PNMA2: variants seen among roughly 807,000 people sequenced by gnomAD.
PNMA2 encodes PNMA family member 2.
For synonymous variants in PNMA2, 175 were observed against 183.5 expected (o/e 0.95, Z 0.38); for missense variants, 455 against 452.9 (o/e 1.00, Z -0.04).
Position 26,509,038 on chromosome 8 carries a change from G to T in PNMA2, c.-283C>A. On this transcript the variant is annotated 5_prime_UTR_variant, in exon 3 of 3. Coordinates refer to ENST00000522362, the MANE Select transcript of PNMA2 (RefSeq NM_007257.6). This position sits in a 1 kb window ranked among gnomAD's most constrained non-coding sequence, Gnocchi z 5.7. The stretch of plus-strand genomic sequence containing the variant: ...CCACACCTGTGCCCGCAGCTCTGAA[G>T]TCCGATTGCCAGTGATTTTCTCAAA... The T allele has an allele frequency of 1.8e-6, 1 of 555,092 alleles. No individual in the cohort carries two copies. The highest frequency in any genetic ancestry group is 2.7e-6 in the Non-Finnish European group (1 of 373,630). The allele number at this position is 555,092 out of a possible 1,614,324, so 34.4% of individuals were successfully genotyped here.
chr8:26,508,688 A>G lies in PNMA2; in HGVS notation c.68T>C (p.Val23Ala). The change falls in exon 3 of 3, where the codon GTT becomes GCT. Residue 23 changes from valine (V) to alanine (A), a missense_variant. Physicochemically the swap from Val to Ala is moderately conservative, Grantham distance 64. Transcript: ENST00000522362. This position sits in a 1 kb window ranked among gnomAD's most constrained non-coding sequence, Gnocchi z 5.5. The part of the protein sequence containing the change: ...MSVDEQKSLM[V>A]TGIPADFEEA... ...CTCAAAGTCCGCCGGTATCCCCGTA[A>G]CCATCAGTGACTTCTGCTCATCCAC... The G allele has an allele frequency of 1.9e-6, 3 of 1,614,098 alleles. No homozygotes were observed. The highest frequency in any genetic ancestry group is 2.5e-6 in the Non-Finnish European group (3 of 1,180,016).
Position 26,507,596 on chromosome 8 carries a change from A to G in PNMA2, c.*65T>C. 3.4e-6 allele frequency: 5 copies of G among 1,462,814 alleles called. No homozygotes were observed. Among genetic ancestry groups the G allele is most frequent in the Non-Finnish European group, 4.6e-6 (5 of 1,093,676 alleles). The allele number at this position is 1,462,814 out of a possible 1,614,324, so 90.6% of individuals were successfully genotyped here. A position where few individuals can be genotyped will look rare whatever the true frequency, so the allele number is the denominator to read the frequency against. On this transcript the variant is annotated 3_prime_UTR_variant, in exon 3 of 3. Transcript: ENST00000522362. ...TCATGGTTTGATTTCAGTCCCATAC[A>G]TTAAAGAAAAAAATTTTTTAAAGGT...
Position 26,508,813 on chromosome 8 carries a change from T to G in PNMA2, c.-58A>C. 1 of 1,545,616 alleles carries G rather than the reference T, an allele frequency of 6.5e-7. No homozygotes were observed. The highest frequency in any genetic ancestry group is 8.7e-7 in the Non-Finnish European group (1 of 1,149,928). On this transcript the variant is annotated 5_prime_UTR_variant, in exon 3 of 3. Coordinates refer to ENST00000522362, the MANE Select transcript of PNMA2 (RefSeq NM_007257.6). This position sits in a 1 kb window ranked among gnomAD's most constrained non-coding sequence, Gnocchi z 5.5. ...GGCACCAATTTGTTAGTGGTGCAGC[T>G]ATGCACTGACTTAATATTGAAAATA...
At chr8:26,510,938 G>A (rs983655783) in intron 1 of PNMA2, among the ~76,000 whole-genome samples, 4 of 152,088 alleles carry the variant, frequency 2.6e-5, no homozygotes, top group Non-Finnish European at 4.4e-5. Context: ...AGATCACTGA[G>A]GTCAGGAATT....
chr8:26,506,720 T>C lies in PNMA2; in HGVS notation c.*941A>G, dbSNP rs1443568441. 3 of 152,270 alleles carry C rather than the reference T, an allele frequency of 2.0e-5. No homozygotes were observed. The highest frequency in any genetic ancestry group is 7.2e-5 in the African/African-American group (3 of 41,478). 9.4% of individuals were successfully genotyped at this position (152,270 alleles called of 1,614,324 possible). ...TTACACAAAGGGTTAGTTAGCCTTT[T>C]ACCTGTCTAGATCAGCTCCTCATCT... On this transcript the variant is annotated 3_prime_UTR_variant, in exon 3 of 3. Coordinates refer to ENST00000522362, the MANE Select transcript of PNMA2 (RefSeq NM_007257.6). The surrounding 1 kb of genome is among the most constrained non-coding windows in gnomAD (Gnocchi z 4.4).
At position 26,505,407 on chromosome 8, in the gene PNMA2, C is replaced by T. The variant is rs1372411660; in HGVS notation, c.*2254G>A. The T allele has an allele frequency of 6.4e-6, 1 of 157,428 alleles. No homozygotes were observed. Among genetic ancestry groups the T allele is most frequent in the Non-Finnish European group, 1.4e-5 (1 of 69,458 alleles). The allele number at this position is 157,428 out of a possible 1,614,324, so 9.8% of individuals were successfully genotyped here. A position where few individuals can be genotyped will look rare whatever the true frequency, so the allele number is the denominator to read the frequency against. On this transcript the variant is annotated 3_prime_UTR_variant, in exon 3 of 3. Transcript: ENST00000522362. ...AACTGTGTTGGAGATTTGCCTAGCACATATAACTAAATGGTGCTCATCTGC... is the reference window on the plus strand; with the variant it reads ...AACTGTGTTGGAGATTTGCCTAGCATATATAACTAAATGGTGCTCATCTGC...
At chr8:26,511,468 C>G (rs1162288764) in intron 1 of PNMA2, among the ~76,000 whole-genome samples, 1 of 152,118 alleles carries the variant, frequency 6.6e-6, no homozygotes, top group African/African-American at 2.4e-5. Context: ...CTTTTCCTTT[C>G]TAAAATGTGG....
rs775117335 is a variant in PNMA2 at position 26,508,310 on chromosome 8, G to A, written c.446C>T (p.Ala149Val). Residue 149 changes from alanine to valine, a missense_variant, in exon 3 of 3, where the codon GCA becomes GTA. By Grantham distance (64) the Ala-to-Val change is moderately conservative. Transcript: ENST00000522362. This position sits in a 1 kb window ranked among gnomAD's most constrained non-coding sequence, Gnocchi z 5.5. ...CAGGGGCTGAGGCGCATGTGCCATT[G>A]CCTGTCCCAACAAATGGGCCAGTAA... is the stretch of plus-strand genomic sequence containing the variant. ...PELLAHLLGQ[A>V]MAHAPQPLLP... 106 of 1,609,272 alleles carry A rather than the reference G, an allele frequency of 6.6e-5. No homozygotes were observed. Among genetic ancestry groups the A allele is most frequent in the Non-Finnish European group, 8.3e-5 (98 of 1,177,528 alleles).
rs746684506 is a variant in PNMA2 at position 26,508,407 on chromosome 8, C to A, written c.349G>T (p.Val117Phe). 1 of 1,614,218 alleles carries A rather than the reference C, an allele frequency of 6.2e-7. No individual in the cohort carries two copies. Among genetic ancestry groups the A allele is most frequent in the South Asian group, 1.1e-5 (1 of 91,086 alleles). ...CCCAGGGCTCGAAACATACCCGAGA[C>A]CGTCTGCCCCTCTTTTTCTAGAAAC... is the stretch of plus-strand genomic sequence containing the variant. ...NLFLEKEGQT[V>F]SGMFRALGQE... Residue 117 changes from valine (V) to phenylalanine (F), a missense_variant, in exon 3 of 3, where the codon GTC becomes TTC. Coordinates refer to ENST00000522362, the MANE Select transcript of PNMA2 (RefSeq NM_007257.6). This position sits in a 1 kb window ranked among gnomAD's most constrained non-coding sequence, Gnocchi z 5.5.
Position 26,508,576 on chromosome 8 carries a change from C to T in PNMA2, c.180G>A (p.Glu60=). The T allele has an allele frequency of 6.2e-7, 1 of 1,614,216 alleles. No individual in the cohort carries two copies. The highest frequency in any genetic ancestry group is 1.1e-5 in the South Asian group (1 of 91,078). ...RLLGKIFRKQ[E]NANAVLLELL... ...GCTCTAGTAAGACAGCATTGGCATT[C>T]TCCTGCTTCCGGAATATCTTGCCAA... The change falls in exon 3 of 3, where the codon GAG becomes GAA. Residue 60 remains glutamate, a synonymous_variant. Coordinates refer to ENST00000522362, the MANE Select transcript of PNMA2 (RefSeq NM_007257.6). The surrounding 1 kb of genome is among the most constrained non-coding windows in gnomAD (Gnocchi z 5.5).
At chr8:26,512,532 G>A (rs931941205) in intron 1 of PNMA2, among the ~76,000 whole-genome samples, 10 of 152,242 alleles carry the variant, frequency 6.6e-5, no homozygotes, top group Middle Eastern at 6.8e-3. Flanking sequence ...TTTAATCCTG[G>A]GCTGACAATG....
rs62492693 is a variant in PNMA2 at position 26,507,100 on chromosome 8, G to T, written c.*561C>A. The T allele has an allele frequency of 2.0e-5, 3 of 151,908 alleles. No homozygotes were observed. The highest frequency in any genetic ancestry group is 4.4e-5 in the Non-Finnish European group (3 of 68,000). 9.4% of individuals were successfully genotyped at this position (151,908 alleles called of 1,614,324 possible). On this transcript the variant is annotated 3_prime_UTR_variant, in exon 3 of 3. Coordinates refer to ENST00000522362, the MANE Select transcript of PNMA2 (RefSeq NM_007257.6). ...TTTTGTTCATTAATAATCTACATAG[G>T]GTCTAAGAAACTCCTAGATATTTTT... is the stretch of plus-strand genomic sequence containing the variant.
Position 26,504,764 on chromosome 8 carries a change from A to G in PNMA2, c.*2897T>C, listed in dbSNP as rs1429955810. 6.5e-6 allele frequency: 1 copy of G among 152,672 alleles called. No individual in the cohort carries two copies. The highest frequency in any genetic ancestry group is 1.5e-5 in the Non-Finnish European group (1 of 68,048). The allele number at this position is 152,672 out of a possible 1,614,324, so 9.5% of individuals were successfully genotyped here. A position where few individuals can be genotyped will look rare whatever the true frequency, so the allele number is the denominator to read the frequency against. The stretch of plus-strand genomic sequence containing the variant: ...TAACATTTTACTTTGTATACCGCCA[A>G]TAAATGACAATGAAACTATTTTCAT... On this transcript the variant is annotated 3_prime_UTR_variant, in exon 3 of 3. Transcript: ENST00000522362.
chr8:26,507,861 T>G lies in PNMA2; in HGVS notation c.895A>C (p.Met299Leu), dbSNP rs773413867. 6.2e-7 allele frequency: 1 copy of G among 1,614,142 alleles called. No homozygotes were observed. Among genetic ancestry groups the G allele is most frequent in the Non-Finnish European group, 8.5e-7 (1 of 1,179,992 alleles). Residue 299 changes from methionine (M) to leucine (L), a missense_variant, in exon 3 of 3, where the codon ATG becomes CTG. By Grantham distance (15) the Met-to-Leu change is conservative. Transcript: ENST00000522362. ...ATCTGGTTAAGAGTGGCCCCAGCCA[T>G]GACCTGCTCCAGGCGGACCTGGTCC... ...IADQVRLEQV[M>L]AGATLNQMLW...
rs1808079153 is a variant in PNMA2 at position 26,508,110 on chromosome 8, C to A, written c.646G>T (p.Asp216Tyr). Residue 216 changes from aspartate (D) to tyrosine (Y), a missense_variant, in exon 3 of 3, where the codon GAC becomes TAC. Coordinates refer to ENST00000522362, the MANE Select transcript of PNMA2 (RefSeq NM_007257.6). This position sits in a 1 kb window ranked among gnomAD's most constrained non-coding sequence, Gnocchi z 5.5. ...TCTGCCTGCACTATGTGCATGAGGT[C>A]CAGGGCAGGGCCCCGCAGGCTTTCC... ...LAESLRGPALDLMHIVQADNP... is the reference protein window; with the variant it reads ...LAESLRGPALYLMHIVQADNP... 43 of 1,614,126 alleles carry A rather than the reference C, an allele frequency of 2.7e-5. No homozygotes were observed. The highest frequency in any genetic ancestry group is 3.6e-5 in the Non-Finnish European group (42 of 1,180,058).
chr8:26,511,210 G>A (rs751918740), intron 1 of PNMA2, among the ~76,000 whole-genome samples: 1 of 151,820 alleles, frequency 6.6e-6, no homozygotes, highest in Non-Finnish European at 1.5e-5. Context: ...GCTGCGGAGT[G>A]TGTGTTAAGG....
Position 26,507,046 on chromosome 8 carries a change from GCTTA to G in PNMA2, c.*611_*614del, listed in dbSNP as rs1182173191. On this transcript the variant is annotated 3_prime_UTR_variant, in exon 3 of 3. Coordinates refer to ENST00000522362, the MANE Select transcript of PNMA2 (RefSeq NM_007257.6). Reference sequence around the variant, plus strand: ...GTACAAGTGTTTCAGATTCCTTCAGGCTTACTATTTAATATTTGGAGTTTAATCT... The same window carrying G: ...GTACAAGTGTTTCAGATTCCTTCAGGCTATTTAATATTTGGAGTTTAATCT... 1 of 152,008 alleles carries G rather than the reference GCTTA, an allele frequency of 6.6e-6. No homozygotes were observed. Among genetic ancestry groups the G allele is most frequent in the Non-Finnish European group, 1.5e-5 (1 of 68,016 alleles). The allele number at this position is 152,008 out of a possible 1,614,324, so 9.4% of individuals were successfully genotyped here. A position where few individuals can be genotyped will look rare whatever the true frequency, so the allele number is the denominator to read the frequency against.
At chr8:26,510,080 G>A (rs572247834) in intron 1 of PNMA2, among the ~76,000 whole-genome samples, 1 of 152,360 alleles carries the variant, frequency 6.6e-6, no homozygotes, top group East Asian at 1.9e-4. Flanking sequence ...GGTGGGATGT[G>A]TTTGGGTCAT....
At position 26,508,677 on chromosome 8, in the gene PNMA2, G is replaced by C. The variant is rs1159222218; in HGVS notation, c.79C>G (p.Pro27Ala). ...EQKSLMVTGIPADFEEAEIQE... is the reference protein window; with the variant it reads ...EQKSLMVTGIAADFEEAEIQE... ...ATCTCAGCCTCCTCAAAGTCCGCCG[G>C]TATCCCCGTAACCATCAGTGACTTC... The change falls in exon 3 of 3, where the codon CCG becomes GCG. Residue 27 changes from proline to alanine, a missense_variant. Physicochemically the swap from Pro to Ala is conservative, Grantham distance 27 (BLOSUM62 -1). Coordinates refer to ENST00000522362, the MANE Select transcript of PNMA2 (RefSeq NM_007257.6). This position sits in a 1 kb window ranked among gnomAD's most constrained non-coding sequence, Gnocchi z 5.5. 2 of 1,614,002 alleles carry C rather than the reference G, an allele frequency of 1.2e-6. No homozygotes were observed. The highest frequency in any genetic ancestry group is 4.5e-5 in the East Asian group (2 of 44,884).
Sources: gnomAD v4.1 joint callset for allele counts (sites outside exome capture counted in the v4.1 genomes callset) on GRCh38, gnomAD v4.1.1 for gene constraint, Gnocchi (gnomAD v3.1) non-coding constraint, MANE v1.5 for transcripts, NCBI Gene and HGNC (gene_info 2026-07-23, HGNC 2026-07-21) for gene names.